MED13L: variants seen among roughly 807,000 people sequenced by gnomAD.
MED13L encodes the protein mediator of RNA polymerase II transcription subunit 13-like.
In MED13L, 7 loss-of-function variants were observed where a neutral mutation model predicts 220.9. The ratio of observed to expected loss-of-function variants is 0.03; its 90% CI spans 0.02 to 0.06. The LOEUF (loss-of-function observed/expected upper bound fraction) is 0.06, where lower values mean the gene tolerates loss of function less well. MED13L is among the 10% of genes least tolerant of loss of function. MED13L has a pLI of 1.00. For synonymous variants in MED13L, 1,011 were observed against 1,015.2 expected, an observed-to-expected ratio of 1.00 and a Z score of 0.08; for missense variants, 1,965 against 2,760.5, an observed-to-expected ratio of 0.71 and a Z score of 6.46.
rs200734164 is a variant in MED13L, at chr12:116,010,379, C to CT, written c.1281-1248dup. Reference sequence around the variant, plus strand: ...ACCTAAAATTTAAAAGTCTTTTAGACTTTTTTTCTCAGAGAGCATTTACCC... The same window carrying CT: ...ACCTAAAATTTAAAAGTCTTTTAGACTTTTTTTTCTCAGAGAGCATTTACCC... On this transcript the variant is annotated intron_variant, in intron 9 of 30. Transcript: ENST00000281928. Among the ~76,000 whole-genome samples, 923 of 152,196 alleles carry CT rather than the reference C, an allele frequency of 6.1e-3. 7 individuals are homozygous for CT. The highest frequency in any genetic ancestry group is 0.021 in the African/African-American group (865 of 41,536).
At chr12:116,187,822 A>G (rs1880993413) in intron 2 of MED13L, among the ~76,000 whole-genome samples, 1 of 151,998 alleles carries the variant, frequency 6.6e-6, no homozygotes, top group South Asian at 2.1e-4. Context: ...CGCTACTAAA[A>G]GATCTTAATA....
chr12:116,257,280 A>G (rs980201760), intron 1 of MED13L, among the ~76,000 whole-genome samples: 1 of 152,238 alleles, frequency 6.6e-6, no homozygotes, highest in African/African-American at 2.4e-5. Context: ...CTACACAAAC[A>G]TGAGTGGCTC....
In MED13L at chr12:116,007,643, G is replaced by GAGAA; in HGVS notation, c.2013-8_2013-7insTTCT. 1 of 290,180 alleles carries GAGAA rather than the reference G, an allele frequency of 3.4e-6. No individual in the cohort carries two copies. The highest frequency in any genetic ancestry group is 7.7e-5 in the South Asian group (1 of 13,022). The allele number at this position is 290,180 out of a possible 1,614,324, so 18.0% of individuals were successfully genotyped here. A position where few individuals can be genotyped will look rare whatever the true frequency, so the allele number is the denominator to read the frequency against. On this transcript the variant is annotated splice_polypyrimidine_tract_variant and splice_region_variant and intron_variant, in intron 10 of 30. Coordinates refer to ENST00000281928, the MANE Select transcript of MED13L (RefSeq NM_015335.5). ...GTTAGGTTGTGCTAAGAGTCTAAAA[G>GAGAA]ACAAAAAAAAAAAAAAAAAAAAGAG...
chr12:116,148,088 G>A (rs12309977), intron 2 of MED13L, among the ~76,000 whole-genome samples: 69 of 117,254 alleles, frequency 5.9e-4, no homozygotes, highest in African/African-American at 1.0e-3. Flanking sequence ...GGGGGCGGGA[G>A]TGGAGGGGGG....
At position 115,984,355 on chromosome 12, in the gene MED13L, C is replaced by T. The variant is rs1246077443; in HGVS notation, c.4356G>A (p.Gln1452=). 3 of 1,613,932 alleles carry T rather than the reference C, an allele frequency of 1.9e-6. No individual in the cohort carries two copies. Among genetic ancestry groups the T allele is most frequent in the Non-Finnish European group, 2.5e-6 (3 of 1,179,996 alleles). The stretch of plus-strand genomic sequence containing the variant: ...GTAGCACTTTGCAGATGGGCTTGTG[C>T]TGCCCAAGCCTACACATCTGATATC... ...SAVYEMCRLG[Q]HKPICKVLRD... The change falls in exon 20 of 31, where the codon CAG becomes CAA. Residue 1452 remains glutamine (Q), a synonymous_variant. Transcript: ENST00000281928.
chr12:116,192,420 A>G (rs1381155889), intron 2 of MED13L, among the ~76,000 whole-genome samples: 4 of 152,246 alleles, frequency 2.6e-5, no homozygotes, highest in African/African-American at 9.6e-5. Flanking sequence ...GCAAAAACAA[A>G]GCTAATAAGA....
chr12:116,207,425 GCTATA>G (rs1354415560), intron 2 of MED13L, among the ~76,000 whole-genome samples: 15 of 152,236 alleles, frequency 9.9e-5, no homozygotes, highest in African/African-American at 3.1e-4. Context: ...TATATAGTAG[GCTATA>G]CTGTCTGTGT....
chr12:115,967,311 C>CTGTA, intron 28 of MED13L, among the ~76,000 whole-genome samples: 1 of 151,812 alleles, frequency 6.6e-6, no homozygotes, highest in Non-Finnish European at 1.5e-5. Flanking sequence ...CTCTTCCCTG[C>CTGTA]TGTAATGTCT....
At chr12:116,007,120 G>A (rs937229345) in intron 11 of MED13L, 7 of 433,404 alleles carry the variant, frequency 1.6e-5, no homozygotes, top group South Asian at 1.5e-4. Context: ...GAAATAGGGA[G>A]CATAGGCCAA....
intron 2 of MED13L, among the ~76,000 whole-genome samples, chr12:116,174,101 C>G (rs1288476123): frequency 6.6e-6 from 1 of 151,992 alleles, no homozygotes; most frequent in Non-Finnish European, 1.5e-5. Flanking sequence ...GTCTATCAAT[C>G]AATAAAAATA....
At chr12:116,260,224 C>G (rs544325567) in intron 1 of MED13L, among the ~76,000 whole-genome samples, 1 of 152,170 alleles carries the variant, frequency 6.6e-6, no homozygotes, top group Admixed American at 6.5e-5. Flanking sequence ...TCCCCACATA[C>G]GAAGGCTGAA....
At chr12:116,148,870 C>T (rs561377065) in intron 2 of MED13L, among the ~76,000 whole-genome samples, 1 of 151,804 alleles carries the variant, frequency 6.6e-6, no homozygotes, top group Admixed American at 6.6e-5. Context: ...CTCAGTATTG[C>T]CTTCGATCCA....
At chr12:116,011,775 T>A (rs978470113) in intron 9 of MED13L, among the ~76,000 whole-genome samples, 1 of 152,196 alleles carries the variant, frequency 6.6e-6, no homozygotes, top group Non-Finnish European at 1.5e-5. Context: ...ATTAGGCTTA[T>A]CCTTACATCT....
intron 2 of MED13L, among the ~76,000 whole-genome samples, chr12:116,117,855 T>C (rs1199912432): frequency 6.6e-6 from 1 of 152,166 alleles, no homozygotes; most frequent in Admixed American, 6.5e-5. Context: ...TCACCCAGGC[T>C]AGAGTGCAGT....
rs756436025 is a variant in MED13L, at chr12:116,111,518, A to C, written c.311-6T>G. ...CCAGAGTCCTTCTTCCACAACTGAA[A>C]AAAAAAAGAAAAAAGAAAAAAAAAG... On this transcript the variant is annotated splice_region_variant and splice_polypyrimidine_tract_variant and intron_variant, in intron 2 of 30. Transcript: ENST00000281928. 6.3e-7 allele frequency: 1 copy of C among 1,595,018 alleles called. No homozygotes were observed. Among genetic ancestry groups the C allele is most frequent in the East Asian group, 2.2e-5 (1 of 44,756 alleles).
intron 2 of MED13L, among the ~76,000 whole-genome samples, chr12:116,149,584 G>C (rs1877869489): frequency 6.6e-6 from 1 of 152,184 alleles, no homozygotes; most frequent in Admixed American, 6.5e-5. Context: ...ACAGTATCCG[G>C]TATTTGTGAA....
chr12:116,032,854 A>T (rs1236157861), intron 4 of MED13L, among the ~76,000 whole-genome samples: 1 of 152,180 alleles, frequency 6.6e-6, no homozygotes. Flanking sequence ...TACTGGAAAC[A>T]AAGGGAGATG....
At chr12:116,029,748 A>G (rs978817096) in intron 4 of MED13L, among the ~76,000 whole-genome samples, 1 of 152,176 alleles carries the variant, frequency 6.6e-6, no homozygotes, top group Non-Finnish European at 1.5e-5. Flanking sequence ...ATATACACAG[A>G]AAAAATTTGA....
chr12:116,252,971 G>T (rs898468086), intron 1 of MED13L, among the ~76,000 whole-genome samples: 1 of 152,076 alleles, frequency 6.6e-6, no homozygotes, highest in Non-Finnish European at 1.5e-5. Context: ...ATCTATTAAA[G>T]ACACAGAGGG....
Sources: allele counts gnomAD v4.1 joint callset (sites outside exome capture counted in the v4.1 genomes callset), GRCh38; gene constraint gnomAD v4.1.1; transcripts MANE v1.5; gene names NCBI Gene and HGNC (gene_info 2026-07-23, HGNC 2026-07-21).